GBE1: variants seen among roughly 807,000 people sequenced by gnomAD.
The protein encoded by GBE1 is 1,4-alpha-glucan-branching enzyme.
A neutral mutation model predicts 88.8 loss-of-function variants in GBE1; 70 were observed. The observed-to-expected ratio is 0.79, with a 90% CI of 0.65 to 0.96. The LOEUF (loss-of-function observed/expected upper bound fraction) is 0.96, where lower values mean the gene tolerates loss of function less well. Among genes scored for constraint, GBE1 ranks in the 40% least tolerant of loss-of-function variants. The probability of loss-of-function intolerance (pLI) is 0.00; values close to 1 mark genes in which losing one functional copy is unlikely to be tolerated. For missense variants in GBE1, 872 were observed against 871.0 expected (o/e 1.00, Z -0.01); for synonymous variants, 284 against 300.1 (o/e 0.95, Z 0.56).
At chr3:81,673,171 A>G (rs1021285484) in intron 2 of GBE1, among the ~76,000 whole-genome samples, 2 of 151,876 alleles carry the variant, frequency 1.3e-5, no homozygotes, top group Admixed American at 1.3e-4. Flanking sequence ...ATAATAATAA[A>G]AGCTTGGAAT....
In GBE1 at chr3:81,642,985, TA is replaced by T. The variant is rs773017316; in HGVS notation, c.787del (p.Tyr263MetfsTer11). ...TTCTTGTAGCTCTTCAGGTGTTCCATAACGGCTAACAATGAAGAACACAGCA... is the reference window on the plus strand; with the variant it reads ...TTCTTGTAGCTCTTCAGGTGTTCCATACGGCTAACAATGAAGAACACAGCA... ...ITSFFAASSR[Y>X]GTPEELQELV... On this transcript the variant is annotated frameshift_variant, in exon 7 of 16. Coordinates refer to ENST00000429644, the MANE Select transcript of GBE1 (RefSeq NM_000158.4). LOFTEE classifies it high-confidence loss of function. 1 of 1,603,992 alleles carries T rather than the reference TA, an allele frequency of 6.2e-7. No individual in the cohort carries two copies. Among genetic ancestry groups the T allele is most frequent in the African/African-American group, 1.3e-5 (1 of 74,838 alleles).
intron 1 of GBE1, among the ~76,000 whole-genome samples, chr3:81,724,487 A>T (rs1706080855): frequency 6.6e-6 from 1 of 152,188 alleles, no homozygotes; most frequent in African/African-American, 2.4e-5. Context: ...CTAGTCAATA[A>T]AAAGAATCAC....
At chr3:81,713,189 G>A (rs1402737866) in intron 1 of GBE1, among the ~76,000 whole-genome samples, 1 of 152,228 alleles carries the variant, frequency 6.6e-6, no homozygotes, top group African/African-American at 2.4e-5. Context: ...GACCAGGAAG[G>A]AACTAGTGAT....
At chr3:81,720,237 T>A (rs1385296368) in intron 1 of GBE1, among the ~76,000 whole-genome samples, 3 of 152,000 alleles carry the variant, frequency 2.0e-5, no homozygotes, top group Admixed American at 2.0e-4. Context: ...CTCTTTTAAT[T>A]TATAAAAATT....
chr3:81,616,601 A>T (rs1704251572), intron 7 of GBE1, among the ~76,000 whole-genome samples: 1 of 152,124 alleles, frequency 6.6e-6, no homozygotes, highest in Non-Finnish European at 1.5e-5. Flanking sequence ...TACTATAACT[A>T]TATAAGAGTA....
intron 7 of GBE1, among the ~76,000 whole-genome samples, chr3:81,614,999 G>T (rs879730804): frequency 2.0e-5 from 3 of 150,934 alleles, no homozygotes; most frequent in African/African-American, 4.9e-5. Flanking sequence ...TCCAGCATAG[G>T]TTACAGAATG....
chr3:81,655,972 C>G (rs1264405400), intron 3 of GBE1, among the ~76,000 whole-genome samples: 1 of 152,198 alleles, frequency 6.6e-6, no homozygotes, highest in African/African-American at 2.4e-5. Context: ...TCTTTCACTA[C>G]TTATCCTTGT....
At chr3:81,602,451 C>G (rs780937276) in intron 7 of GBE1, among the ~76,000 whole-genome samples, 2 of 152,154 alleles carry the variant, frequency 1.3e-5, no homozygotes, top group Non-Finnish European at 2.9e-5. Context: ...CCTCATAGTT[C>G]TGGAGGATGG....
chr3:81,633,291 C>T (rs1205563376), intron 7 of GBE1, among the ~76,000 whole-genome samples: 1 of 151,980 alleles, frequency 6.6e-6, no homozygotes, highest in Admixed American at 6.6e-5. Context: ...GTGTAATGAG[C>T]CCTTCACAAT....
chr3:81,673,178 G>T (rs369995505), intron 2 of GBE1, among the ~76,000 whole-genome samples: 1 of 151,680 alleles, frequency 6.6e-6, no homozygotes, highest in Non-Finnish European at 1.5e-5. Context: ...TAAAAGCTTG[G>T]AATATAAAAA....
intron 3 of GBE1, among the ~76,000 whole-genome samples, chr3:81,653,312 G>A (rs1259326369): frequency 6.6e-6 from 1 of 151,804 alleles, no homozygotes. Flanking sequence ...AAAGATTAAT[G>A]AAAAATAAAA....
intron 3 of GBE1, among the ~76,000 whole-genome samples, chr3:81,662,814 C>T (rs1032204050): frequency 1.3e-5 from 2 of 152,100 alleles, no homozygotes; most frequent in Admixed American, 6.5e-5. Context: ...TGCCTTTCTG[C>T]TTTCTTTCCT....
intron 6 of GBE1, among the ~76,000 whole-genome samples, chr3:81,644,948 T>G (rs1160832805): frequency 6.6e-6 from 1 of 151,740 alleles, no homozygotes; most frequent in African/African-American, 2.4e-5. Flanking sequence ...ATTTTTGGCT[T>G]GAACAACTAG....
At chr3:81,534,641 T>C (rs1318951812) in intron 14 of GBE1, 2 of 152,026 alleles carry the variant, frequency 1.3e-5, no homozygotes, top group Non-Finnish European at 2.9e-5. Flanking sequence ...GACACTATCA[T>C]TACAACTACT....
intron 12 of GBE1, among the ~76,000 whole-genome samples, chr3:81,553,297 T>G (rs960671495): frequency 6.6e-6 from 1 of 151,162 alleles, no homozygotes; most frequent in African/African-American, 2.5e-5. Context: ...CAAAAAGGCT[T>G]GAGTGTTCTC....
At chr3:81,563,060 C>T (rs1444861547) in intron 12 of GBE1, among the ~76,000 whole-genome samples, 1 of 152,070 alleles carries the variant, frequency 6.6e-6, no homozygotes, top group Non-Finnish European at 1.5e-5. Flanking sequence ...TATGAGATGA[C>T]AGCCATATAG....
intron 2 of GBE1, among the ~76,000 whole-genome samples, chr3:81,673,191 T>G (rs1705211993): frequency 6.6e-6 from 1 of 152,020 alleles, no homozygotes; most frequent in African/African-American, 2.4e-5. Flanking sequence ...TATAAAAATC[T>G]AGGTACTAGA....
intron 3 of GBE1, among the ~76,000 whole-genome samples, chr3:81,657,542 AG>A (rs1704959491): frequency 6.6e-6 from 1 of 152,160 alleles, no homozygotes; most frequent in Non-Finnish European, 1.5e-5. Context: ...AAAATTAAAC[AG>A]ACCTTAATAT....
chr3:81,587,155 A>C (rs920823510), intron 9 of GBE1, among the ~76,000 whole-genome samples: 1 of 152,090 alleles, frequency 6.6e-6, no homozygotes, highest in African/African-American at 2.4e-5. Flanking sequence ...GCTTTTTGAC[A>C]GGGGGTCCTT....
Sources: allele counts gnomAD v4.1 joint callset (sites outside exome capture counted in the v4.1 genomes callset), GRCh38; gene constraint gnomAD v4.1.1; transcripts MANE v1.5; gene names NCBI Gene and HGNC (gene_info 2026-07-23, HGNC 2026-07-21).